The following CALCR variants were observed in gnomAD, a reference collection of about 807,000 sequenced individuals.
The protein encoded by CALCR is calcitonin receptor.
Under a neutral mutation model 59.5 loss-of-function variants are expected in CALCR, and 47 were observed. That is an observed-to-expected ratio of 0.79 (90% CI 0.63 to 1.01). CALCR has a LOEUF of 1.01. Among genes scored for constraint, CALCR ranks in the 50% least tolerant of loss-of-function variants. The pLI, the probability that CALCR is intolerant of heterozygous loss-of-function variation, is 0.00. For synonymous variants in CALCR, 213 were observed against 211.3 expected (o/e 1.01, Z -0.07); for missense variants, 566 against 597.1 (o/e 0.95, Z 0.54).
chr7:93,570,227 A>G (rs1789970555), intron 2 of CALCR, among the ~76,000 whole-genome samples: 1 of 152,194 alleles, frequency 6.6e-6, no homozygotes, highest in South Asian at 2.1e-4. Context: ...CTGAATAATT[A>G]TGAACAGAGG....
At chr7:93,473,588 CCCTT>C (rs1562987820) in intron 5 of CALCR, among the ~76,000 whole-genome samples, 5 of 120,276 alleles carry the variant, frequency 4.2e-5, no homozygotes, top group African/African-American at 1.2e-4. Context: ...TGGCCCCCCC[CCCTT>C]TTTTTTTTTT....
intron 2 of CALCR, among the ~76,000 whole-genome samples, chr7:93,563,326 A>G (rs934522576): frequency 6.6e-6 from 1 of 152,178 alleles, no homozygotes; most frequent in Non-Finnish European, 1.5e-5. Context: ...TTCTCTCCAC[A>G]TCATTAAAAC....
intron 2 of CALCR, among the ~76,000 whole-genome samples, chr7:93,502,716 T>C (rs1470593688): frequency 6.6e-6 from 1 of 152,116 alleles, no homozygotes; most frequent in East Asian, 1.9e-4. Flanking sequence ...TCCAAAATAA[T>C]GAATTTGTTA....
At chr7:93,434,078 C>T (rs1257518189) in intron 13 of CALCR, among the ~76,000 whole-genome samples, 175 bp downstream of exon 13, 1 of 152,228 alleles carries the variant, frequency 6.6e-6, no homozygotes, top group Non-Finnish European at 1.5e-5. Flanking sequence ...TTGTACTACA[C>T]ATCCATGGAT....
intron 2 of CALCR, among the ~76,000 whole-genome samples, chr7:93,533,519 G>A (rs925253839): frequency 3.9e-5 from 6 of 151,950 alleles, no homozygotes; most frequent in African/African-American, 1.4e-4. Context: ...GAGGGATGAA[G>A]CACTAAACTG....
intron 11 of CALCR, among the ~76,000 whole-genome samples, 159 bp downstream of exon 11, chr7:93,437,901 T>C (rs1437805603): frequency 1.3e-5 from 2 of 152,142 alleles, no homozygotes; most frequent in African/African-American, 2.4e-5. Flanking sequence ...AGGCGTTTTT[T>C]TGAAGAGTCT....
intron 2 of CALCR, among the ~76,000 whole-genome samples, chr7:93,546,680 T>C (rs1158312688): frequency 1.3e-5 from 2 of 151,616 alleles, no homozygotes. Context: ...GCCTCCTGAG[T>C]AGCTTGAGAC....
At chr7:93,469,854 C>A (rs1800516776) in intron 6 of CALCR, among the ~76,000 whole-genome samples, 3 of 151,136 alleles carry the variant, frequency 2.0e-5, no homozygotes, top group African/African-American at 4.9e-5. Context: ...CTATGAAGTT[C>A]TTTGAATTCC....
intron 2 of CALCR, among the ~76,000 whole-genome samples, chr7:93,488,790 C>A (rs1304742582): frequency 6.6e-6 from 1 of 151,620 alleles, no homozygotes; most frequent in Admixed American, 6.6e-5. Context: ...TACAAAGATA[C>A]TCAGACTCCC....
chr7:93,508,068 T>C (rs1489754008), intron 2 of CALCR, among the ~76,000 whole-genome samples: 1 of 152,238 alleles, frequency 6.6e-6, no homozygotes, highest in Non-Finnish European at 1.5e-5. Flanking sequence ...CTAGAACCAA[T>C]TTATGATATT....
At chr7:93,472,532 CCAA>C (rs1562987433) in intron 5 of CALCR, 45 bp from the exon 6 acceptor site, 2 of 1,090,394 alleles carry the variant, frequency 1.8e-6, no homozygotes, top group East Asian at 2.4e-5. Context: ...TCTCAAAATC[CCAA>C]CAAGGAAAAA....
At chr7:93,476,654 C>G (rs1254058278) in intron 5 of CALCR, among the ~76,000 whole-genome samples, 2 of 151,850 alleles carry the variant, frequency 1.3e-5, no homozygotes, top group East Asian at 3.9e-4. Flanking sequence ...GGCAAGAGCC[C>G]CATTGTTACT....
intron 2 of CALCR, among the ~76,000 whole-genome samples, chr7:93,532,061 A>G (rs1408169500): frequency 2.6e-5 from 4 of 152,122 alleles, no homozygotes; most frequent in Admixed American, 6.6e-5. Flanking sequence ...TATGAACACT[A>G]TCAAATACCC....
intron 2 of CALCR, among the ~76,000 whole-genome samples, chr7:93,560,062 G>A (rs1045772286): frequency 2.6e-5 from 4 of 151,926 alleles, no homozygotes; most frequent in Non-Finnish European, 4.4e-5. Flanking sequence ...ACAAGAGATG[G>A]GACCCTAATG....
Position 93,477,686 on chromosome 7 carries a change from A to T in CALCR, c.206-18T>A, listed in dbSNP as rs753009089. On this transcript the variant is annotated intron_variant, in intron 4 of 13. Transcript: ENST00000426151. The stretch of plus-strand genomic sequence containing the variant: ...ATATGGACCTGGCCATTTAGAAGGA[A>T]ATTGATATTGAAGCCTTGTGGATTT... The T allele has an allele frequency of 6.8e-7, 1 of 1,477,682 alleles. No individual in the cohort carries two copies. Among genetic ancestry groups the T allele is most frequent in the Non-Finnish European group, 9.5e-7 (1 of 1,057,504 alleles). 91.5% of individuals were successfully genotyped at this position (1,477,682 alleles called of 1,614,324 possible). A position where few individuals can be genotyped will look rare whatever the true frequency, so the allele number is the denominator to read the frequency against.
intron 7 of CALCR, among the ~76,000 whole-genome samples, chr7:93,466,051 C>T (rs78449901): frequency 0.012 from 1,788 of 151,808 alleles, 46 homozygotes; most frequent in South Asian, 0.068. Context: ...GTGAATGGGG[C>T]GTCAGCTCTC....
chr7:93,474,074 C>T (rs546647307), intron 5 of CALCR, among the ~76,000 whole-genome samples: 2 of 151,478 alleles, frequency 1.3e-5, no homozygotes, highest in Admixed American at 6.6e-5. Flanking sequence ...TAAAATATAC[C>T]AGACCCTACA....
chr7:93,460,783 T>G (rs766679076), intron 8 of CALCR, 38 bp downstream of exon 8: 2 of 1,521,580 alleles, frequency 1.3e-6, no homozygotes, highest in South Asian at 2.5e-5. Context: ...ACTATATCCT[T>G]TAAAATAAAA....
intron 2 of CALCR, chr7:93,496,018 T>C (rs1725797881): frequency 1.9e-6 from 2 of 1,058,128 alleles, no homozygotes; most frequent in South Asian, 1.5e-5. Context: ...ATGATAATGA[T>C]TGAACAGAAT....
Sources: gnomAD v4.1 joint callset for allele counts (sites outside exome capture counted in the v4.1 genomes callset) on GRCh38, gnomAD v4.1.1 for gene constraint, MANE v1.5 for transcripts, NCBI Gene and HGNC (gene_info 2026-07-23, HGNC 2026-07-21) for gene names.